Variants in TXNDC8 observed in about 807,000 individuals in gnomAD.
The protein encoded by TXNDC8 is thioredoxin domain-containing protein 8.
A neutral mutation model predicts 12.9 loss-of-function variants in TXNDC8; 15 were observed. That is an observed-to-expected ratio of 1.16 (90% CI 0.78 to 1.79). The LOEUF (loss-of-function observed/expected upper bound fraction) is 1.79, where lower values mean the gene tolerates loss of function less well. Ranked by LOEUF, TXNDC8 falls within the 40% of genes most tolerant of loss-of-function variation. TXNDC8 has a pLI of 0.00. For synonymous variants in TXNDC8, 40 were observed against 35.4 expected, an observed-to-expected ratio of 1.13 and a Z score of -0.46; for missense variants, 128 against 113.2, an observed-to-expected ratio of 1.13 and a Z score of -0.59.
In TXNDC8 at chr9:110,323,037, C is replaced by T. The variant is rs562325188; in HGVS notation, c.195+3138G>A. The T allele has an allele frequency of 6.1e-6, 6 of 985,332 alleles. No individual in the cohort carries two copies. The Admixed American group carries it at 3.1e-4, about 50-fold the overall frequency. 61.0% of individuals were successfully genotyped at this position (985,332 alleles called of 1,614,324 possible). On this transcript the variant is annotated intron_variant, in intron 3 of 4. Transcript: ENST00000423740. ...GAAACTTGAATGCCAGCCTTAAATA[C>T]AATGGTTTAGCCTTGATTCTATAGG...
intron 2 of TXNDC8, among the ~76,000 whole-genome samples, chr9:110,327,616 C>A (rs1460979372): frequency 6.6e-6 from 1 of 152,094 alleles, no homozygotes; most frequent in Non-Finnish European, 1.5e-5. Flanking sequence ...AGCCACTGTG[C>A]CTGGCCAAAG....
intron 3 of TXNDC8, among the ~76,000 whole-genome samples, chr9:110,306,366 G>A (rs575149265): frequency 6.6e-6 from 1 of 152,260 alleles, no homozygotes; most frequent in South Asian, 2.1e-4. Flanking sequence ...TATATAACTT[G>A]TCTCTTTCGG....
chr9:110,313,190 G>A (rs993166353), intron 3 of TXNDC8, among the ~76,000 whole-genome samples: 1 of 152,166 alleles, frequency 6.6e-6, no homozygotes, highest in Non-Finnish European at 1.5e-5. Context: ...ACAGGTGTGA[G>A]CCACCATGCC....
intron 3 of TXNDC8, among the ~76,000 whole-genome samples, chr9:110,310,399 T>A (rs1035241432): frequency 1.3e-5 from 2 of 152,222 alleles, no homozygotes; most frequent in African/African-American, 2.4e-5. Context: ...TTTAAGGCGA[T>A]TTAGCTGACA....
chr9:110,311,520 GGT>G (rs1491558185), intron 3 of TXNDC8, among the ~76,000 whole-genome samples: 4 of 16,540 alleles, frequency 2.4e-4, no homozygotes, highest in African/African-American at 7.6e-4. Flanking sequence ...AAAATAAAGA[GGT>G]ATATATATAT....
chr9:110,320,555 C>A (rs1001686776), intron 3 of TXNDC8, among the ~76,000 whole-genome samples: 1 of 152,180 alleles, frequency 6.6e-6, no homozygotes, highest in African/African-American at 2.4e-5. Context: ...TACAATGGGT[C>A]TACAACCAAA....
At chr9:110,301,637 G>A (rs1371438352), downstream of TXNDC8, among the ~76,000 whole-genome samples, 2 of 152,108 alleles carry the variant, frequency 1.3e-5, no homozygotes, top group Non-Finnish European at 2.9e-5. Flanking sequence ...GATAATACAT[G>A]CTTAGGAGTT....
chr9:110,337,826 C>A lies in TXNDC8; in HGVS notation c.-30G>T, dbSNP rs772357569. 2.5e-6 allele frequency: 4 copies of A among 1,612,594 alleles called. No individual in the cohort carries two copies. Among genetic ancestry groups the A allele is most frequent in the Non-Finnish European group, 3.4e-6 (4 of 1,179,012 alleles). ...ACACCAGGGAAGTGCTGATGAAAAT[C>A]CCCTGTTGGTTTAGTTGGATCACTG... On this transcript the variant is annotated 5_prime_UTR_variant, in exon 1 of 5. Transcript: ENST00000423740.
At chr9:110,318,242 G>A (rs555329464) in intron 3 of TXNDC8, among the ~76,000 whole-genome samples, 1 of 152,272 alleles carries the variant, frequency 6.6e-6, no homozygotes, top group East Asian at 1.9e-4. Flanking sequence ...AGTCTCTGCT[G>A]GACCTTTCTG....
chr9:110,325,148 A>C (rs1329874002), intron 3 of TXNDC8, among the ~76,000 whole-genome samples: 1 of 152,124 alleles, frequency 6.6e-6, no homozygotes, highest in Non-Finnish European at 1.5e-5. Context: ...AGAACAAAGT[A>C]CTAGTTTCAT....
chr9:110,337,387 G>A (rs569658804), intron 1 of TXNDC8, among the ~76,000 whole-genome samples: 6 of 152,206 alleles, frequency 3.9e-5, no homozygotes, highest in African/African-American at 1.4e-4. Context: ...CCACATCTGG[G>A]GTTTCTATTA....
intron 2 of TXNDC8, among the ~76,000 whole-genome samples, chr9:110,331,506 AT>A (rs1839540091): frequency 6.6e-6 from 1 of 152,166 alleles, no homozygotes; most frequent in African/African-American, 2.4e-5. Flanking sequence ...TTTTATGAGC[AT>A]TTAATTCCTT....
chr9:110,337,350 G>A (rs1839796276), intron 1 of TXNDC8, among the ~76,000 whole-genome samples: 1 of 152,150 alleles, frequency 6.6e-6, no homozygotes, highest in Non-Finnish European at 1.5e-5. Flanking sequence ...AGCAACATTG[G>A]GCTGTTCCCA....
At chr9:110,302,216 G>C (rs1482008385), downstream of TXNDC8, among the ~76,000 whole-genome samples, 8 of 151,390 alleles carry the variant, frequency 5.3e-5, no homozygotes, top group Admixed American at 2.6e-4. Flanking sequence ...GCCCATGCTG[G>C]TCTCAAACTC....
At chr9:110,333,437 A>G (rs959117394) in intron 2 of TXNDC8, among the ~76,000 whole-genome samples, 1 of 152,206 alleles carries the variant, frequency 6.6e-6, no homozygotes, top group Non-Finnish European at 1.5e-5. Context: ...AGTCCATGGA[A>G]AAATTGTCTT....
At chr9:110,326,677 A>AT (rs759148555) in intron 2 of TXNDC8, among the ~76,000 whole-genome samples, 1 of 152,186 alleles carries the variant, frequency 6.6e-6, no homozygotes, top group Non-Finnish European at 1.5e-5. Flanking sequence ...CTGATCTAGC[A>AT]TTTTAAGTAA....
At chr9:110,315,639 T>TG (rs1235633168) in intron 3 of TXNDC8, among the ~76,000 whole-genome samples, 1 of 152,098 alleles carries the variant, frequency 6.6e-6, no homozygotes, top group Non-Finnish European at 1.5e-5. Flanking sequence ...GCCAAGTAGC[T>TG]GGGACTACAG....
chr9:110,315,367 G>A (rs1053812755), intron 3 of TXNDC8, among the ~76,000 whole-genome samples: 19 of 152,092 alleles, frequency 1.2e-4, no homozygotes, highest in African/African-American at 4.1e-4. Flanking sequence ...CAAAGTGCTG[G>A]GATTACAAGT....
At chr9:110,322,728 C>A in intron 3 of TXNDC8, 7 of 985,450 alleles carry the variant, frequency 7.1e-6, no homozygotes, top group Non-Finnish European at 8.4e-6. Flanking sequence ...TGGAGAGAAA[C>A]TTGCCCTGAA....
Sources: gnomAD v4.1 joint callset for allele counts (sites outside exome capture counted in the v4.1 genomes callset) on GRCh38, gnomAD v4.1.1 for gene constraint, MANE v1.5 for transcripts, NCBI Gene and HGNC (gene_info 2026-07-23, HGNC 2026-07-21) for gene names.